Variants in GMDS observed in about 807,000 individuals in gnomAD.
GMDS encodes GDP-mannose 4,6 dehydratase.
In GMDS, 20 loss-of-function variants were observed where a neutral mutation model predicts 49.9. The observed-to-expected ratio is 0.40, with a 90% CI of 0.28 to 0.58. The LOEUF (loss-of-function observed/expected upper bound fraction) is 0.58. Among genes scored for constraint, GMDS ranks in the 20% least tolerant of loss-of-function variants. The probability of loss-of-function intolerance (pLI) is 0.42; values close to 1 mark genes in which losing one functional copy is unlikely to be tolerated. For synonymous variants in GMDS, 177 were observed against 178.6 expected (o/e 0.99, Z 0.07); for missense variants, 362 against 481.4 (o/e 0.75, Z 2.32).
chr6:1,948,237 G>T lies in GMDS; in HGVS notation c.643+11630C>A, dbSNP rs1002117364. On this transcript the variant is annotated intron_variant, in intron 6 of 10. Transcript: ENST00000380815. Reference sequence around the variant, plus strand: ...TATCCTTACGTGAACCACTTAAAAAGGGGAACAATATTCCATAACAAATAG... The same window carrying T: ...TATCCTTACGTGAACCACTTAAAAATGGGAACAATATTCCATAACAAATAG... 2.6e-5 allele frequency among the ~76,000 whole-genome samples: 4 copies of T among 152,010 alleles called. No individual in the cohort carries two copies. The South Asian group carries it at 8.3e-4, about 32-fold the overall frequency.
chr6:2,064,441 C>A (rs553442269), intron 4 of GMDS, among the ~76,000 whole-genome samples: 2 of 152,154 alleles, frequency 1.3e-5, no homozygotes, highest in Non-Finnish European at 2.9e-5. Flanking sequence ...TGCTTACATA[C>A]TTGATGCAAA....
At chr6:1,698,787 C>CTT (rs10641587) in intron 9 of GMDS, among the ~76,000 whole-genome samples, 40,960 of 132,890 alleles carry the variant, frequency 0.31, 6,414 homozygotes, top group African/African-American at 0.35. Context: ...CCTGGTTTCC[C>CTT]TTTTTTTTTT....
intron 7 of GMDS, among the ~76,000 whole-genome samples, chr6:1,798,141 TCATTC>T (rs1769808403): frequency 6.6e-6 from 1 of 152,080 alleles, no homozygotes; most frequent in Non-Finnish European, 1.5e-5. Context: ...AGAAAAGCAC[TCATTC>T]CAAAGTTCTA....
chr6:2,076,741 A>G (rs1233667382), intron 4 of GMDS, among the ~76,000 whole-genome samples: 4 of 152,148 alleles, frequency 2.6e-5, no homozygotes, highest in African/African-American at 9.7e-5. Context: ...CCTTCCTTAC[A>G]CCTTATACAA....
At chr6:2,128,868 C>T (rs1775588112) in intron 1 of GMDS, among the ~76,000 whole-genome samples, 1 of 152,154 alleles carries the variant, frequency 6.6e-6, no homozygotes, top group Non-Finnish European at 1.5e-5. Flanking sequence ...CTGAGATTTT[C>T]CCGGTCTGGG....
At chr6:1,891,170 A>C (rs1406938891) in intron 7 of GMDS, among the ~76,000 whole-genome samples, 1 of 152,072 alleles carries the variant, frequency 6.6e-6, no homozygotes, top group Non-Finnish European at 1.5e-5. Context: ...CATTAGTCAA[A>C]CCACGTGGTT....
At chr6:1,716,715 G>A (rs1766188517) in intron 9 of GMDS, among the ~76,000 whole-genome samples, 1 of 152,182 alleles carries the variant, frequency 6.6e-6, no homozygotes, top group Admixed American at 6.5e-5. Flanking sequence ...CTATGTCTCT[G>A]TTCATGCGGC....
At chr6:1,710,036 A>G (rs371742697) in intron 9 of GMDS, among the ~76,000 whole-genome samples, 2 of 152,370 alleles carry the variant, frequency 1.3e-5, no homozygotes, top group African/African-American at 2.4e-5. Flanking sequence ...CCATACAAGT[A>G]CACTTAAAAT....
intron 8 of GMDS, 104 bp downstream of exon 8, chr6:1,742,364 C>T (rs1767307432): frequency 4.3e-6 from 3 of 698,108 alleles, no homozygotes; most frequent in African/African-American, 3.5e-5. Flanking sequence ...TATTGCTCTT[C>T]AGGAGAGTGA....
intron 9 of GMDS, among the ~76,000 whole-genome samples, chr6:1,637,968 A>T (rs1441191537): frequency 6.6e-6 from 1 of 152,160 alleles, no homozygotes; most frequent in African/African-American, 2.4e-5. Flanking sequence ...ATTAACCTAG[A>T]CCACCTCCCC....
At chr6:2,153,681 T>C (rs1040359547) in intron 1 of GMDS, among the ~76,000 whole-genome samples, 2 of 152,256 alleles carry the variant, frequency 1.3e-5, no homozygotes, top group Admixed American at 6.5e-5. Context: ...AAAAAAGTTA[T>C]CTAAACCCCA....
At chr6:2,101,226 A>G (rs958963937) in intron 4 of GMDS, among the ~76,000 whole-genome samples, 1 of 151,930 alleles carries the variant, frequency 6.6e-6, no homozygotes, top group Non-Finnish European at 1.5e-5. Context: ...TGTTGTAGTT[A>G]AAACACATCT....
At chr6:1,662,655 G>A (rs1764117409) in intron 9 of GMDS, among the ~76,000 whole-genome samples, 1 of 152,144 alleles carries the variant, frequency 6.6e-6, no homozygotes, top group African/African-American at 2.4e-5. Flanking sequence ...GACATCAGCT[G>A]CTTTATGTTG....
intron 7 of GMDS, among the ~76,000 whole-genome samples, chr6:1,831,568 G>A (rs1285805527): frequency 6.6e-6 from 1 of 152,182 alleles, no homozygotes; most frequent in African/African-American, 2.4e-5. Context: ...AATAAACACT[G>A]TAGGATGCCA....
chr6:2,117,392 GA>G, intron 3 of GMDS, 76 bp downstream of exon 3: 1 of 867,472 alleles, frequency 1.2e-6, no homozygotes, highest in East Asian at 2.4e-5. Context: ...AATGACATTT[GA>G]AAACACCTTA....
intron 7 of GMDS, among the ~76,000 whole-genome samples, chr6:1,803,716 T>C (rs574783865): frequency 2.6e-5 from 4 of 152,350 alleles, no homozygotes; most frequent in African/African-American, 4.8e-5. Context: ...TGTTTAACTC[T>C]GCTGGGTCAA....
intron 7 of GMDS, among the ~76,000 whole-genome samples, chr6:1,888,150 T>G: frequency 6.7e-6 from 1 of 149,332 alleles, no homozygotes; most frequent in East Asian, 1.9e-4. Flanking sequence ...TTTTTTTTTT[T>G]GAAGAGATGA....
chr6:2,238,949 C>T (rs916485353), intron 1 of GMDS, among the ~76,000 whole-genome samples: 3 of 152,166 alleles, frequency 2.0e-5, no homozygotes, highest in Non-Finnish European at 2.9e-5. Flanking sequence ...ATTCTGACAA[C>T]ATACAACTCA....
At chr6:1,947,401 G>A (rs1763122189) in intron 6 of GMDS, among the ~76,000 whole-genome samples, 1 of 152,174 alleles carries the variant, frequency 6.6e-6, no homozygotes, top group South Asian at 2.1e-4. Flanking sequence ...TGGGGCCAGG[G>A]TTGAGCTCTT....
Sources: gnomAD v4.1 joint callset for allele counts (sites outside exome capture counted in the v4.1 genomes callset) on GRCh38, gnomAD v4.1.1 for gene constraint, MANE v1.5 for transcripts, NCBI Gene and HGNC (gene_info 2026-07-23, HGNC 2026-07-21) for gene names.